The following PNOC variants were observed in gnomAD, a reference collection of about 807,000 sequenced individuals.
PNOC encodes the protein prepronociceptin, also known as nociceptin.
A neutral mutation model predicts 15.6 loss-of-function variants in PNOC; 10 were observed. The ratio of observed to expected loss-of-function variants is 0.64; its 90% confidence interval spans 0.40 to 1.09. PNOC has a LOEUF of 1.09. Among genes scored for constraint, PNOC ranks in the 50% least tolerant of loss-of-function variants. The pLI is 0.01. For missense variants in PNOC, 220 were observed against 223.9 expected (o/e 0.98, Z 0.11); for synonymous variants, 98 against 88.5 (o/e 1.11, Z -0.60).
In PNOC at chr8:28,326,965, G is replaced by T. The variant is rs1801235111; in HGVS notation, c.-23-2170G>T. 2.0e-5 allele frequency among the ~76,000 whole-genome samples: 3 copies of T among 152,218 alleles called. No individual in the cohort carries two copies. The South Asian group carries it at 6.2e-4, about 32-fold the overall frequency. ...CAAGATTCCAGCTGGTCTGCAGGGT[G>T]CATTGGAGTACCAAGACCTTCTACA... is the stretch of plus-strand genomic sequence containing the variant. On this transcript the variant is annotated intron_variant, in intron 1 of 3. Coordinates refer to ENST00000301908, the MANE Select transcript of PNOC (RefSeq NM_006228.5).
intron 3 of PNOC, 37 bp from the exon 4 acceptor site, chr8:28,342,905 C>G (rs1202981286): frequency 2.3e-6 from 2 of 872,392 alleles, no homozygotes; most frequent in African/African-American, 1.8e-5. Flanking sequence ...GAAAAACCAT[C>G]AGGTTTGCCA....
chr8:28,336,830 G>A (rs1238536787), intron 2 of PNOC, among the ~76,000 whole-genome samples: 2 of 152,080 alleles, frequency 1.3e-5, no homozygotes, highest in East Asian at 3.9e-4. Context: ...GAGGGAGTGG[G>A]AGGAGGGGCA....
At chr8:28,334,541 C>CTGGAG (rs888206308) in intron 2 of PNOC, among the ~76,000 whole-genome samples, 7 of 152,152 alleles carry the variant, frequency 4.6e-5, no homozygotes, top group Non-Finnish European at 1.0e-4. Context: ...GTCACCAAGG[C>CTGGAG]TGGAGTGCAG....
At chr8:28,328,561 G>A (rs1261859121) in intron 1 of PNOC, among the ~76,000 whole-genome samples, 2 of 152,134 alleles carry the variant, frequency 1.3e-5, no homozygotes, top group Non-Finnish European at 2.9e-5. Context: ...GGGAAGGCCA[G>A]GAGGATGAAA....
intron 3 of PNOC, chr8:28,340,027 G>C (rs901496484): frequency 6.6e-6 from 1 of 152,244 alleles, no homozygotes; most frequent in Non-Finnish European, 1.5e-5. Context: ...CCTGGACAAA[G>C]AGTTCCTGTT....
At chr8:28,324,900 C>T (rs188036875) in intron 1 of PNOC, among the ~76,000 whole-genome samples, 5 of 152,202 alleles carry the variant, frequency 3.3e-5, no homozygotes, top group Admixed American at 2.6e-4. Flanking sequence ...ATGCTGCATG[C>T]CAGGTTCTTT....
intron 3 of PNOC, among the ~76,000 whole-genome samples, chr8:28,341,790 A>G (rs1333322373): frequency 6.6e-6 from 1 of 152,176 alleles, no homozygotes; most frequent in Non-Finnish European, 1.5e-5. Flanking sequence ...TCCTTCTGCA[A>G]CCATCTCTCT....
intron 1 of PNOC, 80 bp from the exon 2 acceptor site, chr8:28,329,055 A>G (rs904135371): frequency 2.2e-6 from 3 of 1,370,408 alleles, no homozygotes; most frequent in Non-Finnish European, 3.1e-6. Context: ...TCTTTCCTGC[A>G]TTCTCTGGGT....
At chr8:28,324,619 T>C (rs1455133203) in intron 1 of PNOC, among the ~76,000 whole-genome samples, 25 of 152,170 alleles carry the variant, frequency 1.6e-4, no homozygotes, top group Admixed American at 1.6e-3. Context: ...ATCCCAGCAC[T>C]TGGGGAGGCC....
At chr8:28,331,612 C>T (rs1215154941) in intron 2 of PNOC, among the ~76,000 whole-genome samples, 15 of 152,194 alleles carry the variant, frequency 9.9e-5, no homozygotes, top group Non-Finnish European at 1.9e-4. Context: ...TTCCATAGTT[C>T]CCAGAAATCC....
At chr8:28,326,168 A>G (rs1243579523) in intron 1 of PNOC, among the ~76,000 whole-genome samples, 4 of 151,902 alleles carry the variant, frequency 2.6e-5, no homozygotes, top group African/African-American at 9.7e-5. Flanking sequence ...CCTAGGCAAC[A>G]TGGCGAGACC....
chr8:28,339,503 A>C lies in PNOC; in HGVS notation c.*47+12A>C. The C allele has an allele frequency of 6.7e-7, 1 of 1,486,944 alleles. No individual in the cohort carries two copies. The highest frequency in any genetic ancestry group is 8.9e-7 in the Non-Finnish European group (1 of 1,120,702). The allele number at this position is 1,486,944 out of a possible 1,614,324, so 92.1% of individuals were successfully genotyped here. ...ACTGCAACCCATGAGTGAGTTGGGC[A>C]CCAATAAGCTGGGGGCAAGGAGAGA... On this transcript the variant is annotated intron_variant, in intron 3 of 3. Coordinates refer to ENST00000301908, the MANE Select transcript of PNOC (RefSeq NM_006228.5).
At chr8:28,318,066 G>A (rs1038242857) in intron 1 of PNOC, among the ~76,000 whole-genome samples, 3 of 151,982 alleles carry the variant, frequency 2.0e-5, no homozygotes, top group African/African-American at 7.3e-5. Context: ...CCCACCTAAA[G>A]GTCTTTGCCC....
At chr8:28,322,957 C>T (rs1450783757) in intron 1 of PNOC, among the ~76,000 whole-genome samples, 2 of 152,132 alleles carry the variant, frequency 1.3e-5, no homozygotes, top group African/African-American at 2.4e-5. Context: ...GGTAACCTGT[C>T]AAGAATATTC....
chr8:28,325,374 C>G (rs1455917308), intron 1 of PNOC, among the ~76,000 whole-genome samples: 2 of 152,048 alleles, frequency 1.3e-5, no homozygotes, highest in African/African-American at 4.8e-5. Flanking sequence ...CATTAAGAAG[C>G]CAGGCACAGT....
At chr8:28,319,443 A>G (rs1488353110) in intron 1 of PNOC, among the ~76,000 whole-genome samples, 4 of 152,132 alleles carry the variant, frequency 2.6e-5, no homozygotes, top group Non-Finnish European at 4.4e-5. Flanking sequence ...GGATCCTACC[A>G]AGTGAGAAGG....
intron 3 of PNOC, among the ~76,000 whole-genome samples, chr8:28,342,190 C>T (rs1361170437): frequency 6.6e-6 from 1 of 151,896 alleles, no homozygotes; most frequent in Non-Finnish European, 1.5e-5. Context: ...ACTAAAAATA[C>T]AAAAATTAGC....
At chr8:28,331,843 G>T (rs1324358278) in intron 2 of PNOC, among the ~76,000 whole-genome samples, 1 of 152,162 alleles carries the variant, frequency 6.6e-6, no homozygotes, top group Admixed American at 6.5e-5. Context: ...TTTCTTTACT[G>T]ATGGATCTGG....
At position 28,343,113 on chromosome 8, in the gene PNOC, C is replaced by A; in HGVS notation, c.*219C>A. The A allele has an allele frequency of 2.4e-6, 1 of 409,686 alleles. No homozygotes were observed. The highest frequency in any genetic ancestry group is 3.3e-6 in the Non-Finnish European group (1 of 302,860). The allele number at this position is 409,686 out of a possible 1,614,324, so 25.4% of individuals were successfully genotyped here. ...CCCAGCCCCCTGGCATGTTTCACCA[C>A]AACCCTGTTGCTACATCAGAGTGTA... On this transcript the variant is annotated 3_prime_UTR_variant, in exon 4 of 4. Coordinates refer to ENST00000301908, the MANE Select transcript of PNOC (RefSeq NM_006228.5).
Sources: allele counts gnomAD v4.1 joint callset (sites outside exome capture counted in the v4.1 genomes callset), GRCh38; gene constraint gnomAD v4.1.1; transcripts MANE v1.5; gene names NCBI Gene and HGNC (gene_info 2026-07-23, HGNC 2026-07-21).